EEIG2: variants seen among roughly 807,000 people sequenced by gnomAD.
EEIG2 encodes family with sequence similarity 102 member B.
chr1:108,606,010 TG>T, the EEIG2 span, among the ~76,000 whole-genome samples: 142 of 152,336 alleles, frequency 9.3e-4, no homozygotes, highest in African/African-American at 3.3e-3. Flanking sequence ...TCTCACCATT[TG>T]TCTCATTTAG....
chr1:108,560,618 G>A, the EEIG2 span: 13 of 1,583,850 alleles, frequency 8.2e-6, no homozygotes, highest in African/African-American at 1.4e-5. Flanking sequence ...AGGGCTTGTT[G>A]GATGGGCAGC....
chr1:108,638,326 A>G, the EEIG2 span: 3 of 152,286 alleles, frequency 2.0e-5, no homozygotes, highest in South Asian at 6.2e-4. Context: ...TAGAAGGGAG[A>G]AAAAAATCTC....
the EEIG2 span, chr1:108,636,426 A>G: frequency 6.6e-6 from 1 of 152,264 alleles, no homozygotes; most frequent in Non-Finnish European, 1.5e-5. Context: ...ACAATATGTC[A>G]GAATAGAATG....
At chr1:108,576,218 T>G in the EEIG2 span, among the ~76,000 whole-genome samples, 1 of 152,200 alleles carries the variant, frequency 6.6e-6, no homozygotes, top group East Asian at 1.9e-4. Context: ...CTGGACAAAT[T>G]CATTTTTTAA....
the EEIG2 span, among the ~76,000 whole-genome samples, chr1:108,622,289 T>C: frequency 6.6e-6 from 1 of 151,990 alleles, no homozygotes; most frequent in African/African-American, 2.4e-5. Flanking sequence ...AATAAGAGAG[T>C]AACATGTTCA....
the EEIG2 span, among the ~76,000 whole-genome samples, chr1:108,581,652 G>A: frequency 1.3e-5 from 2 of 152,184 alleles, no homozygotes; most frequent in Non-Finnish European, 2.9e-5. Flanking sequence ...AGAATTAGAA[G>A]TGGAACCTGA....
At chr1:108,566,510 C>T in the EEIG2 span, among the ~76,000 whole-genome samples, 1 of 152,024 alleles carries the variant, frequency 6.6e-6, no homozygotes, top group African/African-American at 2.4e-5. Context: ...ACACTAGATC[C>T]AGCAACCCCA....
the EEIG2 span, among the ~76,000 whole-genome samples, chr1:108,616,720 T>A: frequency 6.6e-6 from 1 of 152,194 alleles, no homozygotes; most frequent in African/African-American, 2.4e-5. Flanking sequence ...ATTCATTTCT[T>A]CAATAAACAC....
chr1:108,638,037 A>AATAAT, the EEIG2 span: 1 of 152,660 alleles, frequency 6.6e-6, no homozygotes, highest in African/African-American at 2.4e-5. Flanking sequence ...ACACTATCAG[A>AATAAT]ATAATATCCA....
At chr1:108,619,759 G>A in the EEIG2 span, among the ~76,000 whole-genome samples, 1 of 152,154 alleles carries the variant, frequency 6.6e-6, no homozygotes, top group Non-Finnish European at 1.5e-5. Context: ...AGGCGTGGTG[G>A]TGCGCCTGTC....
At chr1:108,612,537 A>G in the EEIG2 span, among the ~76,000 whole-genome samples, 198 of 152,370 alleles carry the variant, frequency 1.3e-3, no homozygotes, top group African/African-American at 4.4e-3. Flanking sequence ...CAGAGAATAC[A>G]TACACCACTA....
chr1:108,570,163 G>T, the EEIG2 span, among the ~76,000 whole-genome samples: 3 of 152,308 alleles, frequency 2.0e-5, no homozygotes, highest in South Asian at 6.2e-4. Flanking sequence ...TGGGGGTGAG[G>T]TCAGGGGAAG....
chr1:108,610,479 C>T, the EEIG2 span, among the ~76,000 whole-genome samples: 1 of 152,054 alleles, frequency 6.6e-6, no homozygotes, highest in Non-Finnish European at 1.5e-5. Flanking sequence ...GATGAGAAAG[C>T]GATGTTGGAG....
chr1:108,572,951 T>C, the EEIG2 span, among the ~76,000 whole-genome samples: 1 of 152,260 alleles, frequency 6.6e-6, no homozygotes, highest in Admixed American at 6.5e-5. Context: ...TCATTTCTTT[T>C]TAGCACTGAA....
the EEIG2 span, chr1:108,637,250 ATATTT>A: frequency 2.0e-5 from 3 of 152,214 alleles, no homozygotes; most frequent in African/African-American, 7.2e-5. Flanking sequence ...AATATAACAA[ATATTT>A]TAATAAATAG....
At chr1:108,615,571 C>G in the EEIG2 span, among the ~76,000 whole-genome samples, 3 of 151,280 alleles carry the variant, frequency 2.0e-5, no homozygotes, top group African/African-American at 7.3e-5. Flanking sequence ...GCCAGGAGTT[C>G]AAGATCAGCT....
At chr1:108,628,281 G>A in the EEIG2 span, 329 of 1,613,820 alleles carry the variant, frequency 2.0e-4, 1 homozygote, top group African/African-American at 4.0e-3. Flanking sequence ...TAACAGTGAA[G>A]TTGAATTCCT....
chr1:108,630,795 G>A, the EEIG2 span, among the ~76,000 whole-genome samples: 6 of 152,102 alleles, frequency 3.9e-5, no homozygotes, highest in Admixed American at 2.0e-4. Flanking sequence ...ATTCCATGTC[G>A]TATTTATGTA....
At chr1:108,560,697 T>A in the EEIG2 span, 2 of 1,100,820 alleles carry the variant, frequency 1.8e-6, no homozygotes, top group Non-Finnish European at 2.5e-6. Context: ...TTTATTGATC[T>A]GCAAAGTGCT....
Sources: allele counts gnomAD v4.1 joint callset (sites outside exome capture counted in the v4.1 genomes callset), GRCh38; gene constraint gnomAD v4.1.1; transcripts MANE v1.5; gene names NCBI Gene and HGNC (gene_info 2026-07-23, HGNC 2026-07-21).